DAB2IP: variants seen among roughly 807,000 people sequenced by gnomAD.
The protein encoded by DAB2IP is disabled homolog 2-interacting protein.
A neutral mutation model predicts 107.2 loss-of-function variants in DAB2IP; 28 were observed. The observed-to-expected ratio is 0.26, with a 90% CI of 0.19 to 0.36. The LOEUF (loss-of-function observed/expected upper bound fraction) is 0.36, where lower values mean the gene tolerates loss of function less well. DAB2IP is among the 10% of genes least tolerant of loss of function. The pLI is 1.00. For missense variants in DAB2IP, 1,400 were observed against 1,644.7 expected, an observed-to-expected ratio of 0.85 and a Z score of 2.57; for synonymous variants, 755 against 706.4, an observed-to-expected ratio of 1.07 and a Z score of -1.09.
rs867645097 is a variant in DAB2IP at position 121,578,001 on chromosome 9, G to A, written c.40+10773G>A. ...CTCCCTCCTGGGAAGGCCTGTGCTTGACTGAGAAGCTAAGCTGACTCTATG... is the reference window on the plus strand; with the variant it reads ...CTCCCTCCTGGGAAGGCCTGTGCTTAACTGAGAAGCTAAGCTGACTCTATG... On this transcript the variant is annotated intron_variant, in intron 1 of 16. Coordinates refer to the DAB2IP transcript ENST00000259371. Among the ~76,000 whole-genome samples the A allele has an allele frequency of 3.1e-4, 47 of 152,212 alleles. No homozygotes were observed. The Middle Eastern group carries it at 0.01, about 33-fold the overall frequency.
chr9:121,641,925 CT>C (rs1278253304), intron 1 of DAB2IP, among the ~76,000 whole-genome samples: 8 of 136,442 alleles, frequency 5.9e-5, no homozygotes, highest in Non-Finnish European at 1.3e-4. Flanking sequence ...TTCTTTCTTT[CT>C]TTCTTTCTTT....
At chr9:121,756,873 G>A (rs1833528576) in intron 3 of DAB2IP, 140 bp from the exon 4 acceptor site, 5 of 1,207,688 alleles carry the variant, frequency 4.1e-6, no homozygotes, top group Non-Finnish European at 6.0e-6. Context: ...CCCCAGATCT[G>A]TCTTAAGACA....
At chr9:121,723,367 C>T (rs1831049784) in intron 3 of DAB2IP, among the ~76,000 whole-genome samples, 1 of 152,246 alleles carries the variant, frequency 6.6e-6, no homozygotes, top group Non-Finnish European at 1.5e-5. Flanking sequence ...GGGACAGAGA[C>T]AGGAATCAGC....
intron 1 of DAB2IP, among the ~76,000 whole-genome samples, chr9:121,637,886 G>T (rs1832145700): frequency 6.6e-6 from 1 of 152,184 alleles, no homozygotes; most frequent in Admixed American, 6.5e-5. Context: ...TGTTTGGGGT[G>T]GGGGCGGAAG....
intron 1 of DAB2IP, among the ~76,000 whole-genome samples, chr9:121,569,787 C>T (rs1371396952): frequency 6.6e-6 from 1 of 152,238 alleles, no homozygotes; most frequent in African/African-American, 2.4e-5. Context: ...CGCTGCTGCA[C>T]TCCAGCCTGG....
rs912581393 is a variant in DAB2IP, at chr9:121,782,688, G to A, written c.*190G>A. ...ACCAGAGACTGAAGCAGCGTGAGGC[G>A]AGGTCACCAGCCGCTCCCTGTGGGG... On this transcript the variant is annotated 3_prime_UTR_variant, in exon 16 of 16. Transcript: ENST00000408936. The surrounding 1 kb of genome is among the most constrained non-coding windows in gnomAD (Gnocchi z 6.1). 9.8e-6 allele frequency: 14 copies of A among 1,425,932 alleles called. No homozygotes were observed. Among genetic ancestry groups the A allele is most frequent in the East Asian group, 7.6e-5 (3 of 39,488 alleles). 88.3% of individuals were successfully genotyped at this position (1,425,932 alleles called of 1,614,324 possible). A position where few individuals can be genotyped will look rare whatever the true frequency, so the allele number is the denominator to read the frequency against.
intron 1 of DAB2IP, among the ~76,000 whole-genome samples, chr9:121,627,189 C>T (rs1192480350): frequency 6.6e-6 from 1 of 151,500 alleles, no homozygotes; most frequent in Admixed American, 6.6e-5. Flanking sequence ...AAGAATCTAT[C>T]CACCCAGGAG....
chr9:121,613,438 C>T (rs1386336952), intron 1 of DAB2IP, among the ~76,000 whole-genome samples: 4 of 152,294 alleles, frequency 2.6e-5, no homozygotes, highest in Admixed American at 2.6e-4. Flanking sequence ...AATTGAATTG[C>T]GGCAAATAAT....
At chr9:121,590,264 G>T (rs147262292) in intron 1 of DAB2IP, among the ~76,000 whole-genome samples, 1 of 150,046 alleles carries the variant, frequency 6.7e-6, no homozygotes, top group Non-Finnish European at 1.5e-5. Flanking sequence ...GATCGGAGCT[G>T]CTTTCTCCTT....
intron 1 of DAB2IP, among the ~76,000 whole-genome samples, chr9:121,639,480 G>C (rs1051142892): frequency 5.3e-5 from 8 of 152,174 alleles, no homozygotes; most frequent in Non-Finnish European, 1.0e-4. Context: ...GACCTGCTGA[G>C]GTCAGAGGGC....
At chr9:121,638,584 G>A (rs1037201875) in intron 1 of DAB2IP, among the ~76,000 whole-genome samples, 5 of 152,236 alleles carry the variant, frequency 3.3e-5, no homozygotes, top group Non-Finnish European at 7.3e-5. Flanking sequence ...CAGCCAGGTG[G>A]CTCAAGAGAG....
Position 121,599,938 on chromosome 9 carries a change from C to T in DAB2IP, c.40+32710C>T, listed in dbSNP as rs535739939. On this transcript the variant is annotated intron_variant, in intron 1 of 16. Coordinates refer to the DAB2IP transcript ENST00000259371. This position sits in a 1 kb window ranked among gnomAD's most constrained non-coding sequence, Gnocchi z 6.9. ...TTTACCCCGCTTTTCCCCTACAGTC[C>T]CCTCTCCCGCAAGGAAATCTGCGCG... Among the ~76,000 whole-genome samples, 4 of 152,156 alleles carry T rather than the reference C, an allele frequency of 2.6e-5. No homozygotes were observed. In the East Asian group the frequency reaches 5.8e-4, roughly 22 times the overall value.
rs1833672084 is a variant in DAB2IP at position 121,758,826 on chromosome 9, G to T, written c.517-72G>T. On this transcript the variant is annotated intron_variant, in intron 4 of 15. Transcript: ENST00000408936. ...GGCCAGAGTCCCCTGAGCCTCCAAG[G>T]TCTTCTTCCATCACTGCCTGCCCTT... The T allele has an allele frequency of 1.4e-5, 20 of 1,404,668 alleles. No homozygotes were observed. The South Asian group carries it at 2.2e-4, about 15-fold the overall frequency. 87.0% of individuals were successfully genotyped at this position (1,404,668 alleles called of 1,614,324 possible).
At chr9:121,613,782 A>G (rs1831171418) in intron 1 of DAB2IP, among the ~76,000 whole-genome samples, 4 of 152,234 alleles carry the variant, frequency 2.6e-5, no homozygotes, top group Admixed American at 6.5e-5. Flanking sequence ...GGATAGTTGA[A>G]AAGACTCCTT....
chr9:121,777,410 G>A (rs1301931513), intron 14 of DAB2IP, among the ~76,000 whole-genome samples: 1 of 152,208 alleles, frequency 6.6e-6, no homozygotes, highest in Non-Finnish European at 1.5e-5. Context: ...AACCAGGGTG[G>A]CTAGAAACCT....
chr9:121,571,409 C>T (rs1829937768), intron 1 of DAB2IP, among the ~76,000 whole-genome samples: 1 of 152,068 alleles, frequency 6.6e-6, no homozygotes, highest in Admixed American at 6.6e-5. Context: ...AAAGGCATTC[C>T]AGGGCAGAAG....
intron 1 of DAB2IP, among the ~76,000 whole-genome samples, chr9:121,577,263 G>C (rs1378915169): frequency 6.6e-6 from 1 of 152,186 alleles, no homozygotes. Context: ...CTTTGGGTCA[G>C]ATTGTCTCGG....
intron 1 of DAB2IP, among the ~76,000 whole-genome samples, chr9:121,638,742 G>A (rs546826351): frequency 3.9e-5 from 6 of 152,224 alleles, no homozygotes; most frequent in South Asian, 2.1e-4. Flanking sequence ...GGGACAGTTC[G>A]GGGGGATGGA....
intron 1 of DAB2IP, among the ~76,000 whole-genome samples, chr9:121,605,646 G>A (rs1286906439): frequency 1.3e-5 from 2 of 152,100 alleles, no homozygotes; most frequent in Admixed American, 1.3e-4. Flanking sequence ...GACTACAGGC[G>A]CTTGCCGTCA....
Sources: gnomAD v4.1 joint callset for allele counts (sites outside exome capture counted in the v4.1 genomes callset) on GRCh38, gnomAD v4.1.1 for gene constraint, Gnocchi (gnomAD v3.1) non-coding constraint, MANE v1.5 for transcripts, NCBI Gene and HGNC (gene_info 2026-07-23, HGNC 2026-07-21) for gene names.